Variants in KBTBD3 observed in about 807,000 individuals in gnomAD.
KBTBD3 encodes kelch repeat and BTB domain containing 3.
Under a neutral mutation model 49.6 loss-of-function variants are expected in KBTBD3, and 38 were observed. The observed-to-expected ratio is 0.77, with a 90% CI of 0.59 to 1.00. KBTBD3 has a LOEUF of 1.00. Among genes scored for constraint, KBTBD3 ranks in the 50% least tolerant of loss-of-function variants. The pLI is 0.00. For synonymous variants in KBTBD3, 214 were observed against 250.4 expected (o/e 0.85, Z 1.37); for missense variants, 661 against 712.0 (o/e 0.93, Z 0.81).
At chr11:106,058,753 T>TTTTTTTTTTTTTTTTTTTTA (rs1375718068) in intron 3 of KBTBD3, 112 bp downstream of exon 3, 1 of 698,994 alleles carries the variant, frequency 1.4e-6, no homozygotes, top group African/African-American at 1.9e-5. Flanking sequence ...TTTTTTTTTT[T>TTTTTTTTTTTTTTTTTTTTA]AGAATTAAAA....
Position 106,051,654 on chromosome 11 carries a change from T to G in KBTBD3, c.*1196A>C, listed in dbSNP as rs1010671235. 1 of 151,846 alleles carries G rather than the reference T, an allele frequency of 6.6e-6. No homozygotes were observed. Among genetic ancestry groups the G allele is most frequent in the Non-Finnish European group, 1.5e-5 (1 of 67,818 alleles). The allele number at this position is 151,846 out of a possible 1,614,324, so 9.4% of individuals were successfully genotyped here. ...ATCTTTTAAACTGATTAAAGAAACA[T>G]ATACTCTTGGAAGGCAGAATCACCT... On this transcript the variant is annotated 3_prime_UTR_variant, in exon 4 of 4. Transcript: ENST00000531837.
intron 2 of KBTBD3, among the ~76,000 whole-genome samples, chr11:106,072,463 T>C (rs1369099615): frequency 6.6e-6 from 1 of 152,200 alleles, no homozygotes; most frequent in Non-Finnish European, 1.5e-5. Context: ...GTATATAAAA[T>C]AGTGTACTTT....
intron 2 of KBTBD3, among the ~76,000 whole-genome samples, chr11:106,060,466 G>A (rs1356903247): frequency 6.6e-6 from 1 of 152,054 alleles, no homozygotes. Context: ...AATCTTTTGT[G>A]AAGCTGTATA....
intron 2 of KBTBD3, among the ~76,000 whole-genome samples, chr11:106,060,846 T>C (rs1482982665): frequency 3.3e-5 from 5 of 151,930 alleles, no homozygotes; most frequent in African/African-American, 1.2e-4. Flanking sequence ...AGCATCAGAG[T>C]GAACAGGCAA....
At chr11:106,066,654 C>T (rs1373370609) in intron 2 of KBTBD3, among the ~76,000 whole-genome samples, 2 of 151,010 alleles carry the variant, frequency 1.3e-5, no homozygotes, top group Non-Finnish European at 2.9e-5. Context: ...ATAATACCAG[C>T]TAATATTTGG....
At chr11:106,075,018 C>A (rs1265426331) in intron 2 of KBTBD3, among the ~76,000 whole-genome samples, 1 of 152,162 alleles carries the variant, frequency 6.6e-6, no homozygotes, top group African/African-American at 2.4e-5. Flanking sequence ...CATCCGATGC[C>A]TTTCCATTGA....
intron 3 of KBTBD3, among the ~76,000 whole-genome samples, chr11:106,058,227 A>G (rs1215107277): frequency 6.6e-6 from 1 of 151,926 alleles, no homozygotes; most frequent in Admixed American, 6.6e-5. Flanking sequence ...TACTAAAAAT[A>G]CAAAAAATTA....
chr11:106,070,951 T>C (rs1222080615), intron 2 of KBTBD3, among the ~76,000 whole-genome samples: 1 of 152,080 alleles, frequency 6.6e-6, no homozygotes, highest in Non-Finnish European at 1.5e-5. Flanking sequence ...TACAAGAAAC[T>C]ACACACACAC....
intron 2 of KBTBD3, among the ~76,000 whole-genome samples, chr11:106,071,323 A>G (rs1860914146): frequency 6.6e-6 from 1 of 152,154 alleles, no homozygotes; most frequent in African/African-American, 2.4e-5. Context: ...TGAGAATATC[A>G]ATTTTTAAAA....
Position 106,053,557 on chromosome 11 carries a change from G to A in KBTBD3, c.1132C>T (p.Pro378Ser), listed in dbSNP as rs1565400300. 6.2e-7 allele frequency: 1 copy of A among 1,613,734 alleles called. No homozygotes were observed. Among genetic ancestry groups the A allele is most frequent in the Non-Finnish European group, 8.5e-7 (1 of 1,179,866 alleles). ...DATDQTWCYC[P>S]VKNDFFLVST... Reference sequence around the variant, plus strand: ...ACCAAGAAGAAATCATTTTTCACTGGACAGTAGCACCAGGTTTGATCAGTG... The same window carrying A: ...ACCAAGAAGAAATCATTTTTCACTGAACAGTAGCACCAGGTTTGATCAGTG... The change falls in exon 4 of 4, where the codon CCA becomes TCA. Residue 378 changes from proline (P) to serine (S), a missense_variant. Physicochemically the swap from Pro to Ser is moderately conservative, Grantham distance 74 (BLOSUM62 -1). Coordinates refer to ENST00000531837, the MANE Select transcript of KBTBD3 (RefSeq NM_198439.3).
chr11:106,072,793 T>C (rs1052974119), intron 2 of KBTBD3, among the ~76,000 whole-genome samples: 2 of 152,182 alleles, frequency 1.3e-5, no homozygotes, highest in Non-Finnish European at 2.9e-5. Context: ...TTCTGGCCTA[T>C]TTTAGTAAAT....
At chr11:106,071,066 C>G (rs1187910890) in intron 2 of KBTBD3, among the ~76,000 whole-genome samples, 1 of 152,094 alleles carries the variant, frequency 6.6e-6, no homozygotes, top group Non-Finnish European at 1.5e-5. Flanking sequence ...ATCTTTACAA[C>G]TTCTTGTGTA....
chr11:106,053,420 A>T lies in KBTBD3; in HGVS notation c.1269T>A (p.Asp423Glu), dbSNP rs747838631. 6.2e-7 allele frequency: 1 copy of T among 1,613,590 alleles called. No homozygotes were observed. The highest frequency in any genetic ancestry group is 8.5e-7 in the Non-Finnish European group (1 of 1,179,814). Residue 423 changes from aspartate to glutamate, a missense_variant, in exon 4 of 4, where the codon GAT (aspartate) becomes GAA (glutamate). By Grantham distance (45) the Asp-to-Glu change is conservative. Transcript: ENST00000531837. ...TGGAAAGAGGATTGTAAGATTCAAC[A>T]TCTAAGAGACTTTTAATGTCCCGGG... is the stretch of plus-strand genomic sequence containing the variant. ...RGSRDIKSLL[D>E]VESYNPLSKE... is the part of the protein sequence containing the mutation.
In KBTBD3 at chr11:106,052,633, C is replaced by T; in HGVS notation, c.*217G>A. ...GTTTCATGTGAAAATACTAAGTATT[C>T]TGGATTCCCCAAGGTTAAATTATAT... On this transcript the variant is annotated 3_prime_UTR_variant, in exon 4 of 4. Transcript: ENST00000531837. The T allele has an allele frequency of 2.2e-6, 1 of 454,902 alleles. No individual in the cohort carries two copies. The highest frequency in any genetic ancestry group is 3.9e-6 in the Non-Finnish European group (1 of 258,526). 28.2% of individuals were successfully genotyped at this position (454,902 alleles called of 1,614,324 possible).
In KBTBD3 at chr11:106,052,927, C is replaced by T. The variant is rs2134990670; in HGVS notation, c.1762G>A (p.Ala588Thr). The T allele has an allele frequency of 6.2e-7, 1 of 1,613,610 alleles. No individual in the cohort carries two copies. Reference protein sequence around the residue: ...EWEEVSPMPRALTEFYCQVIQ... With the variant: ...EWEEVSPMPRTLTEFYCQVIQ... ...ACCTGGCAGTAAAATTCTGTTAAGGCTCTAGGCATTGGTGAAACTTCTTCC... is the reference window on the plus strand; with the variant it reads ...ACCTGGCAGTAAAATTCTGTTAAGGTTCTAGGCATTGGTGAAACTTCTTCC... The change falls in exon 4 of 4, where the codon GCC (alanine) becomes ACC (threonine). Residue 588 changes from alanine to threonine, a missense_variant. Transcript: ENST00000531837.
intron 3 of KBTBD3, among the ~76,000 whole-genome samples, chr11:106,055,609 AGCCCAGCTGGCTATATGGTCCATAGG>A (rs1330208062): frequency 3.9e-5 from 6 of 152,174 alleles, no homozygotes; most frequent in African/African-American, 1.2e-4. Flanking sequence ...GAGTCCATGT[AGCCCAGCTGGCTATATGGTCCATAGG>A]GCCCAGCTGC....
chr11:106,053,524 T>C lies in KBTBD3; in HGVS notation c.1165A>G (p.Met389Val), dbSNP rs1565400242. The C allele has an allele frequency of 6.2e-7, 1 of 1,613,816 alleles. No individual in the cohort carries two copies. Among genetic ancestry groups the C allele is most frequent in the Non-Finnish European group, 8.5e-7 (1 of 1,179,854 alleles). ...VKNDFFLVST[M>V]KTPRTMHTSV... ...GTATGCATGGTTCTTGGTGTTTTCA[T>C]AGTTGATACCAAGAAGAAATCATTT... Residue 389 changes from methionine (M) to valine (V), a missense_variant, in exon 4 of 4, where the codon ATG (methionine) becomes GTG (valine). By Grantham distance (21) the Met-to-Val change is conservative. Coordinates refer to ENST00000531837, the MANE Select transcript of KBTBD3 (RefSeq NM_198439.3).
In KBTBD3 at chr11:106,052,720, A is replaced by G; in HGVS notation, c.*130T>C. The G allele has an allele frequency of 4.5e-6, 3 of 671,178 alleles. No individual in the cohort carries two copies. The highest frequency in any genetic ancestry group is 7.4e-6 in the Non-Finnish European group (3 of 405,422). The allele number at this position is 671,178 out of a possible 1,614,324, so 41.6% of individuals were successfully genotyped here. A position where few individuals can be genotyped will look rare whatever the true frequency, so the allele number is the denominator to read the frequency against. ...AAGTTTTTGGAAACTGTTTATTCAT[A>G]TATGGTGTACATACATAATAACTAA... is the stretch of plus-strand genomic sequence containing the variant. On this transcript the variant is annotated 3_prime_UTR_variant, in exon 4 of 4. Coordinates refer to ENST00000531837, the MANE Select transcript of KBTBD3 (RefSeq NM_198439.3).
rs1860774404 is a variant in KBTBD3 at position 106,064,873 on chromosome 11, A to G, written c.-12-5764T>C. 2.0e-5 allele frequency among the ~76,000 whole-genome samples: 3 copies of G among 152,312 alleles called. 1 individual carries two copies. In the South Asian group the frequency reaches 6.2e-4, roughly 32 times the overall value. The stretch of plus-strand genomic sequence containing the variant: ...CCTGGATGCCCCTTGGAATCGCTCT[A>G]TATTTTCATCCACTAAAAGATATGT... On this transcript the variant is annotated intron_variant, in intron 2 of 3. Transcript: ENST00000531837.
Sources: gnomAD v4.1 joint callset for allele counts (sites outside exome capture counted in the v4.1 genomes callset) on GRCh38, gnomAD v4.1.1 for gene constraint, MANE v1.5 for transcripts, NCBI Gene and HGNC (gene_info 2026-07-23, HGNC 2026-07-21) for gene names.